CCDC178: variants seen among roughly 807,000 people sequenced by gnomAD.
The protein encoded by CCDC178 is coiled-coil domain containing 178.
Under a neutral mutation model 117.4 loss-of-function variants are expected in CCDC178, and 126 were observed. The ratio of observed to expected loss-of-function variants is 1.07; its 90% CI spans 0.93 to 1.24. The LOEUF (loss-of-function observed/expected upper bound fraction) is 1.24. Ranked by LOEUF, CCDC178 falls within the 50% of genes most tolerant of loss-of-function variation. The pLI is 0.00. For missense variants in CCDC178, 1,030 were observed against 986.9 expected, an observed-to-expected ratio of 1.04 and a Z score of -0.59; for synonymous variants, 283 against 313.4, an observed-to-expected ratio of 0.90 and a Z score of 1.02.
rs943957480 is a variant in CCDC178, at chr18:33,226,747, T to A, written c.1656+46A>T. 6.0e-6 allele frequency: 8 copies of A among 1,330,118 alleles called. No homozygotes were observed. The African/African-American group carries it at 1.2e-4, about 20-fold the overall frequency. The allele number at this position is 1,330,118 out of a possible 1,614,324, so 82.4% of individuals were successfully genotyped here. A position where few individuals can be genotyped will look rare whatever the true frequency, so the allele number is the denominator to read the frequency against. ...GGCAAATTTAAAATGCTAAGTAAAA[T>A]GCAAATTAAAGGAAGAATAAAATAT... On this transcript the variant is annotated intron_variant, in intron 16 of 22. Coordinates refer to ENST00000383096, the MANE Select transcript of CCDC178 (RefSeq NM_001105528.4).
At chr18:33,248,527 T>C (rs1300127862) in intron 14 of CCDC178, among the ~76,000 whole-genome samples, 2 of 151,782 alleles carry the variant, frequency 1.3e-5, no homozygotes, top group Admixed American at 6.6e-5. Context: ...GTTTGGTTTT[T>C]TGTCCTTGTG....
At chr18:33,102,654 A>G (rs928954316) in intron 20 of CCDC178, among the ~76,000 whole-genome samples, 1 of 151,750 alleles carries the variant, frequency 6.6e-6, no homozygotes, top group South Asian at 2.1e-4. Flanking sequence ...TGTTGTTCAC[A>G]TTAGAGCACT....
chr18:33,158,321 T>C (rs1036766372), intron 20 of CCDC178, among the ~76,000 whole-genome samples: 17 of 152,252 alleles, frequency 1.1e-4, no homozygotes, highest in African/African-American at 3.6e-4. Context: ...AGCCCCAGAA[T>C]TTCCACAGAA....
intron 11 of CCDC178, among the ~76,000 whole-genome samples, chr18:33,308,352 CT>C (rs912845526): frequency 1.3e-5 from 2 of 152,160 alleles, no homozygotes; most frequent in Non-Finnish European, 2.9e-5. Context: ...CTGTAGCCCC[CT>C]TTTTTTGGCC....
At chr18:33,419,742 C>T (rs2063998351) in intron 2 of CCDC178, among the ~76,000 whole-genome samples, 1 of 152,178 alleles carries the variant, frequency 6.6e-6, no homozygotes, top group African/African-American at 2.4e-5. Flanking sequence ...GCGATATCAT[C>T]TCACACCAGT....
At chr18:33,154,304 A>G (rs1598938888) in intron 20 of CCDC178, among the ~76,000 whole-genome samples, 1 of 152,162 alleles carries the variant, frequency 6.6e-6, no homozygotes, top group East Asian at 1.9e-4. Context: ...ACTTCAGAGA[A>G]AAATAAGAGT....
At chr18:33,329,882 TGTG>T (rs1237367315) in intron 10 of CCDC178, among the ~76,000 whole-genome samples, 1 of 136,308 alleles carries the variant, frequency 7.3e-6, no homozygotes, top group Non-Finnish European at 1.6e-5. Flanking sequence ...TTAGAGTGTG[TGTG>T]TGTGTGTGTG....
intron 21 of CCDC178, among the ~76,000 whole-genome samples, chr18:33,085,798 C>T (rs745420124): frequency 3.8e-4 from 57 of 151,852 alleles, no homozygotes; most frequent in Non-Finnish European, 6.6e-4. Flanking sequence ...TCCATTTTAC[C>T]TTCAATGACG....
intron 21 of CCDC178, among the ~76,000 whole-genome samples, chr18:33,047,868 G>T (rs2056674268): frequency 6.6e-6 from 1 of 152,136 alleles, no homozygotes; most frequent in Middle Eastern, 3.2e-3. Context: ...TTGTGGAAAG[G>T]TAACTTTTAC....
chr18:33,295,294 C>A (rs757925005), intron 11 of CCDC178, among the ~76,000 whole-genome samples: 3 of 152,054 alleles, frequency 2.0e-5, no homozygotes, highest in Non-Finnish European at 4.4e-5. Context: ...ATTTTATATA[C>A]AATCTAACTA....
chr18:33,134,385 G>C (rs1598917607), intron 20 of CCDC178, among the ~76,000 whole-genome samples: 2 of 151,910 alleles, frequency 1.3e-5, no homozygotes, highest in African/African-American at 4.8e-5. Context: ...ACTACAAACA[G>C]CAGTTTTAAA....
At chr18:33,162,935 C>T (rs775188141) in intron 20 of CCDC178, among the ~76,000 whole-genome samples, 3 of 151,992 alleles carry the variant, frequency 2.0e-5, no homozygotes, top group South Asian at 2.1e-4. Flanking sequence ...TTTATATTCC[C>T]TTGGATATAA....
At chr18:33,102,625 A>C (rs979255993) in intron 20 of CCDC178, among the ~76,000 whole-genome samples, 1 of 151,734 alleles carries the variant, frequency 6.6e-6, no homozygotes, top group African/African-American at 2.4e-5. Context: ...GATTATGAGC[A>C]TCTTTACTCA....
chr18:33,220,525 T>A (rs571696070), intron 18 of CCDC178, among the ~76,000 whole-genome samples: 3 of 152,084 alleles, frequency 2.0e-5, no homozygotes, highest in African/African-American at 4.8e-5. Flanking sequence ...GGTATTGGCA[T>A]GCATGAGTTT....
intron 15 of CCDC178, among the ~76,000 whole-genome samples, chr18:33,237,860 CCAGA>C (rs2059444138): frequency 6.6e-6 from 1 of 152,184 alleles, no homozygotes; most frequent in African/African-American, 2.4e-5. Context: ...GCCCATACTT[CCAGA>C]CAGAGTAACA....
chr18:32,965,093 T>G (rs1236859272), intron 22 of CCDC178, among the ~76,000 whole-genome samples: 2 of 151,950 alleles, frequency 1.3e-5, no homozygotes, highest in African/African-American at 4.8e-5. Flanking sequence ...ACAGTAATTA[T>G]TTACCTAACA....
At chr18:33,369,636 T>C (rs776026186) in intron 6 of CCDC178, among the ~76,000 whole-genome samples, 34 of 152,020 alleles carry the variant, frequency 2.2e-4, no homozygotes, top group Non-Finnish European at 4.9e-4. Flanking sequence ...TCCTTTTCAA[T>C]AGAACTATTA....
intron 20 of CCDC178, among the ~76,000 whole-genome samples, chr18:33,147,824 T>G (rs967096264): frequency 6.6e-6 from 1 of 152,192 alleles, no homozygotes; most frequent in Non-Finnish European, 1.5e-5. Flanking sequence ...ACATTTCCCT[T>G]TTCTATTCGA....
chr18:33,304,462 C>T (rs538201827), intron 11 of CCDC178, among the ~76,000 whole-genome samples: 17 of 152,264 alleles, frequency 1.1e-4, no homozygotes, highest in African/African-American at 3.4e-4. Flanking sequence ...AGATAAGTCA[C>T]GAATTTTTGC....
Sources: gnomAD v4.1 joint callset for allele counts (sites outside exome capture counted in the v4.1 genomes callset) on GRCh38, gnomAD v4.1.1 for gene constraint, MANE v1.5 for transcripts, NCBI Gene and HGNC (gene_info 2026-07-23, HGNC 2026-07-21) for gene names.